The following SBNO1 variants were observed in gnomAD, a reference collection of about 807,000 sequenced individuals.
The protein encoded by SBNO1 is protein strawberry notch homolog 1.
In SBNO1, 23 loss-of-function variants were observed where a neutral mutation model predicts 173.6. The ratio of observed to expected loss-of-function variants is 0.13; its 90% CI spans 0.10 to 0.19. The LOEUF is 0.19. Among genes scored for constraint, SBNO1 ranks in the 10% least tolerant of loss-of-function variants. SBNO1 has a pLI of 1.00. For synonymous variants in SBNO1, 632 were observed against 571.5 expected, an observed-to-expected ratio of 1.11 and a Z score of -1.51; for missense variants, 1,238 against 1,671.2, an observed-to-expected ratio of 0.74 and a Z score of 4.52.
intron 30 of SBNO1, 109 bp from the exon 31 acceptor site, chr12:123,298,280 T>G: frequency 1.3e-5 from 15 of 1,142,648 alleles, no homozygotes; most frequent in South Asian, 4.4e-5. Flanking sequence ...CTTTTTTTTT[T>G]GTTGAGATGG....
At chr12:123,348,378 C>T (rs1242555085) in intron 2 of SBNO1, among the ~76,000 whole-genome samples, 1 of 152,172 alleles carries the variant, frequency 6.6e-6, no homozygotes, top group African/African-American at 2.4e-5. Flanking sequence ...AATCCCAGCA[C>T]TTTGGGAGGC....
chr12:123,360,717 T>C (rs913633451), intron 1 of SBNO1, among the ~76,000 whole-genome samples: 9 of 152,056 alleles, frequency 5.9e-5, no homozygotes, highest in Non-Finnish European at 8.8e-5. Flanking sequence ...GTGCTGGGAT[T>C]ACAGGCGTGC....
chr12:123,313,291 T>C (rs978133087), intron 24 of SBNO1, among the ~76,000 whole-genome samples: 2 of 149,914 alleles, frequency 1.3e-5, no homozygotes, highest in African/African-American at 2.4e-5. Context: ...AAAAATAAAA[T>C]AAATAAATAA....
rs566029865 is a variant in SBNO1 at position 123,323,576 on chromosome 12, G to C, written c.2125+104C>G. The C allele has an allele frequency of 2.0e-5, 14 of 695,946 alleles. No individual in the cohort carries two copies. The South Asian group carries it at 2.6e-4, about 13-fold the overall frequency. The allele number at this position is 695,946 out of a possible 1,614,324, so 43.1% of individuals were successfully genotyped here. On this transcript the variant is annotated intron_variant, in intron 16 of 31. Coordinates refer to ENST00000602398, the MANE Select transcript of SBNO1 (RefSeq NM_001167856.3). ...TCACCGTGTTAGCCAGGATGGTCTC[G>C]ATCTCCTGACCTCGTGATCTGCCCA...
chr12:123,299,906 G>A (rs571487900), intron 30 of SBNO1, among the ~76,000 whole-genome samples: 2 of 152,150 alleles, frequency 1.3e-5, no homozygotes, highest in African/African-American at 4.8e-5. Context: ...AAAAGAAGGA[G>A]GGGGGAAGAT....
chr12:123,363,991 T>C, intron 1 of SBNO1: 1 of 985,502 alleles, frequency 1.0e-6, no homozygotes, highest in Non-Finnish European at 1.2e-6. Flanking sequence ...ATGCTCGTTA[T>C]GCCAAACGCT....
rs116335929 is a variant in SBNO1, at chr12:123,320,704, G to A, written c.2486C>T (p.Thr829Ile). 26 of 1,603,392 alleles carry A rather than the reference G, an allele frequency of 1.6e-5. No homozygotes were observed. In the South Asian group the frequency reaches 2.6e-4, roughly 16 times the overall value. ...TPVISPAPNS[T>I]PANSNTNSNS... Reference sequence around the variant, plus strand: ...GGAAGTTTCTGTATGGATACCTGGTGTACTGTTAGGAGCAGGTGAGATAAC... The same window carrying A: ...GGAAGTTTCTGTATGGATACCTGGTATACTGTTAGGAGCAGGTGAGATAAC... Residue 829 changes from threonine (T) to isoleucine (I), a missense_variant, in exon 18 of 32, where the codon ACA becomes ATA. Transcript: ENST00000602398.
At chr12:123,311,244 AT>A (rs1296254492) in intron 24 of SBNO1, 115 bp from the exon 25 acceptor site, 2 of 711,170 alleles carry the variant, frequency 2.8e-6, no homozygotes, top group Non-Finnish European at 4.9e-6. Context: ...AAACACCTTG[AT>A]ATTTATATAA....
At chr12:123,296,600 C>T (rs572665481) in intron 31 of SBNO1, among the ~76,000 whole-genome samples, 9 of 146,218 alleles carry the variant, frequency 6.2e-5, no homozygotes, top group Admixed American at 2.1e-4. Context: ...ATTGCTCTGT[C>T]GCCAGGCTGG....
chr12:123,302,109 T>A (rs996260346), intron 30 of SBNO1, among the ~76,000 whole-genome samples: 1 of 151,552 alleles, frequency 6.6e-6, no homozygotes, highest in Non-Finnish European at 1.5e-5. Context: ...AGCTAATTTT[T>A]TTTTTAGTAG....
intron 5 of SBNO1, among the ~76,000 whole-genome samples, chr12:123,338,595 G>A (rs554826495): frequency 5.4e-4 from 82 of 152,136 alleles, no homozygotes; most frequent in African/African-American, 1.8e-3. Context: ...CTGAGGAAGA[G>A]AATTGCTTGA....
chr12:123,364,742 G>C lies in SBNO1; in HGVS notation c.-42C>G. 6 of 987,772 alleles carry C rather than the reference G, an allele frequency of 6.1e-6. No individual in the cohort carries two copies. Among genetic ancestry groups the C allele is most frequent in the Non-Finnish European group, 7.2e-6 (6 of 831,254 alleles). The allele number at this position is 987,772 out of a possible 1,614,324, so 61.2% of individuals were successfully genotyped here. On this transcript the variant is annotated 5_prime_UTR_variant, in exon 1 of 32. Coordinates refer to ENST00000602398, the MANE Select transcript of SBNO1 (RefSeq NM_001167856.3). ...GGCGCCAGCACAGCTCCTCCCGGGA[G>C]GTGTGAGTTTGAAGGACCAGAGGCG...
At position 123,297,990 on chromosome 12, in the gene SBNO1, G is replaced by T. The variant is rs749335013; in HGVS notation, c.4027C>A (p.Gln1343Lys). 1.2e-5 allele frequency: 20 copies of T among 1,613,592 alleles called. No individual in the cohort carries two copies. Among genetic ancestry groups the T allele is most frequent in the Non-Finnish European group, 1.7e-5 (20 of 1,179,872 alleles). ...AAATTAGACTCACCTACAATCCGTT[G>T]CCCATCTTCCGTTCTTAGCCGCACG... ...QIVRLRTEDG[Q>K]RIVGLIIPAN... The change falls in exon 31 of 32, where the codon CAA becomes AAA. Residue 1343 changes from glutamine to lysine, a missense_variant. By Grantham distance (53) the Gln-to-Lys change is moderately conservative. This residue lies in a region of SBNO1 where 351 missense variants were observed against 420.3 expected (regional missense o/e 0.84). Transcript: ENST00000602398.
intron 1 of SBNO1, 89 bp from the exon 2 acceptor site, chr12:123,350,530 T>G: frequency 3.2e-5 from 33 of 1,017,470 alleles, no homozygotes; most frequent in Non-Finnish European, 4.4e-5. Flanking sequence ...CAACAATCTC[T>G]ATTAGACCCA....
At chr12:123,327,405 G>A in intron 13 of SBNO1, 21 bp downstream of exon 13, 18 of 1,598,480 alleles carry the variant, frequency 1.1e-5, no homozygotes, top group Non-Finnish European at 1.5e-5. Flanking sequence ...TAAACACTAG[G>A]AATTAAGAAA....
At chr12:123,309,641 C>A in intron 26 of SBNO1, 58 bp from the exon 27 acceptor site, 2 of 1,598,102 alleles carry the variant, frequency 1.3e-6, no homozygotes, top group South Asian at 1.1e-5. Flanking sequence ...CAGGTACACA[C>A]GTTTAAAGAA....
chr12:123,337,664 C>A (rs1872012170), intron 5 of SBNO1, among the ~76,000 whole-genome samples: 1 of 152,068 alleles, frequency 6.6e-6, no homozygotes, highest in Admixed American at 6.6e-5. Context: ...AACTCAATTT[C>A]GGAAATTCGA....
intron 30 of SBNO1, among the ~76,000 whole-genome samples, chr12:123,300,841 C>A (rs2048762497): frequency 6.6e-6 from 1 of 150,984 alleles, no homozygotes; most frequent in South Asian, 2.1e-4. Context: ...GCACTGTAGT[C>A]CTAGCTACTC....
At chr12:123,341,836 T>G (rs1348633961) in intron 4 of SBNO1, among the ~76,000 whole-genome samples, 1 of 151,212 alleles carries the variant, frequency 6.6e-6, no homozygotes, top group Non-Finnish European at 1.5e-5. Flanking sequence ...CCTCTATTAC[T>G]AATTTAAATT....
Sources: allele counts gnomAD v4.1 joint callset (sites outside exome capture counted in the v4.1 genomes callset), GRCh38; gene constraint gnomAD v4.1.1; regional missense constraint gnomAD v4.1.1; transcripts MANE v1.5; gene names NCBI Gene and HGNC (gene_info 2026-07-23, HGNC 2026-07-21).